The following ADAMTS19 variants were observed in gnomAD, a reference collection of about 807,000 sequenced individuals.
ADAMTS19 encodes the protein ADAM metallopeptidase with thrombospondin type 1 motif 19.
ADAMTS19 carries 93 observed loss-of-function variants against 153.3 expected under a neutral mutation model. That is an observed-to-expected ratio of 0.61 (90% confidence interval 0.51 to 0.72). The LOEUF (loss-of-function observed/expected upper bound fraction) is 0.72. Among genes scored for constraint, ADAMTS19 ranks in the 30% least tolerant of loss-of-function variants. The pLI is 0.00. For missense variants in ADAMTS19, 1,482 were observed against 1,552.1 expected (o/e 0.95, Z 0.76); for synonymous variants, 600 against 556.6 (o/e 1.08, Z -1.10).
rs1264670040 is a variant in ADAMTS19, at chr5:129,461,231, G to A, written c.221G>A (p.Gly74Asp). Reference protein sequence around the residue: ...ADPGWVRGVGGGGSARAQAAG... With the variant: ...ADPGWVRGVGDGGSARAQAAG... ...CCGGGCTGGGTGCGCGGCGTTGGGG[G>A]CGGCGGAAGCGCCCGGGCGCAGGCT... The change falls in exon 2 of 23, where the codon GGC (glycine) becomes GAC (aspartate). Residue 74 changes from glycine to aspartate, a missense_variant. Gly to Asp is a moderately conservative substitution (Grantham distance 94). This residue lies in a region of ADAMTS19 where 866 missense variants were observed against 827.7 expected (regional missense o/e 1.05). Coordinates refer to ENST00000274487, the MANE Select transcript of ADAMTS19 (RefSeq NM_133638.6). This position sits in a 1 kb window ranked among gnomAD's most constrained non-coding sequence, Gnocchi z 4.6. The A allele has an allele frequency of 1.6e-6, 2 of 1,267,642 alleles. No individual in the cohort carries two copies. The highest frequency in any genetic ancestry group is 2.0e-6 in the Non-Finnish European group (2 of 1,012,788). The allele number at this position is 1,267,642 out of a possible 1,614,324, so 78.5% of individuals were successfully genotyped here.
chr5:129,574,859 GA>G lies in ADAMTS19; in HGVS notation c.1373-21690del, dbSNP rs34873192. On this transcript the variant is annotated intron_variant, in intron 7 of 22. Coordinates refer to ENST00000274487, the MANE Select transcript of ADAMTS19 (RefSeq NM_133638.6). Reference sequence around the variant, plus strand: ...TTTTTTTAAGTATCAAAGCATTCTTGAAAAAAAAAATTAACGTGTTTATTTA... The same window carrying G: ...TTTTTTTAAGTATCAAAGCATTCTTGAAAAAAAAATTAACGTGTTTATTTA... Among the ~76,000 whole-genome samples the G allele has an allele frequency of 3.2e-4, 47 of 148,950 alleles. No homozygotes were observed. The South Asian group carries it at 4.9e-3, about 15-fold the overall frequency.
intron 10 of ADAMTS19, among the ~76,000 whole-genome samples, chr5:129,630,952 C>A (rs1185703390): frequency 6.6e-6 from 1 of 151,710 alleles, no homozygotes; most frequent in Non-Finnish European, 1.5e-5. Context: ...ATGCAGATAG[C>A]CAACAAACTC....
intron 2 of ADAMTS19, among the ~76,000 whole-genome samples, chr5:129,504,860 T>TACACACAC (rs1424334829): frequency 2.1e-5 from 2 of 95,754 alleles, no homozygotes; most frequent in Non-Finnish European, 4.0e-5. Flanking sequence ...GTATTCTGTC[T>TACACACAC]ACACACACAC....
intron 3 of ADAMTS19, among the ~76,000 whole-genome samples, chr5:129,515,643 A>G (rs1018964612): frequency 3.3e-5 from 5 of 152,006 alleles, no homozygotes; most frequent in African/African-American, 9.7e-5. Context: ...TTGATTTTGT[A>G]TTCTGCAACT....
intron 10 of ADAMTS19, among the ~76,000 whole-genome samples, chr5:129,625,759 G>T (rs1015547526): frequency 1.3e-5 from 2 of 152,042 alleles, no homozygotes; most frequent in African/African-American, 4.8e-5. Flanking sequence ...TGTCAGATGG[G>T]TAGATTGCAA....
intron 21 of ADAMTS19, among the ~76,000 whole-genome samples, chr5:129,716,390 G>GT (rs1756734102): frequency 6.6e-6 from 1 of 151,816 alleles, no homozygotes; most frequent in Admixed American, 6.6e-5. Context: ...GTAGAGATGG[G>GT]GTTTTGCCAT....
intron 6 of ADAMTS19, among the ~76,000 whole-genome samples, chr5:129,532,507 T>A (rs1266595146): frequency 2.0e-5 from 3 of 152,148 alleles, no homozygotes; most frequent in African/African-American, 7.2e-5. Context: ...TATAAAATGG[T>A]TCAACCACAC....
At chr5:129,635,765 T>G (rs1310494147) in intron 10 of ADAMTS19, among the ~76,000 whole-genome samples, 1 of 151,974 alleles carries the variant, frequency 6.6e-6, no homozygotes, top group Admixed American at 6.6e-5. Flanking sequence ...AGGGAAAGGA[T>G]CAGGAAAAAT....
intron 2 of ADAMTS19, among the ~76,000 whole-genome samples, chr5:129,464,707 G>A (rs550242554): frequency 3.4e-4 from 52 of 152,288 alleles, no homozygotes; most frequent in African/African-American, 1.2e-3. Flanking sequence ...CAGGGGCAAA[G>A]CCTGCCTCTT....
At chr5:129,732,594 GA>G (rs1457294038) in intron 21 of ADAMTS19, among the ~76,000 whole-genome samples, 1 of 151,974 alleles carries the variant, frequency 6.6e-6, no homozygotes, top group Non-Finnish European at 1.5e-5. Flanking sequence ...AATTACTTAG[GA>G]ATACGTTTAA....
chr5:129,682,248 A>G (rs1219822380), intron 17 of ADAMTS19, among the ~76,000 whole-genome samples: 5 of 152,200 alleles, frequency 3.3e-5, no homozygotes, highest in African/African-American at 1.2e-4. Context: ...GGGAAACTGC[A>G]CTTCTAAGAT....
intron 21 of ADAMTS19, among the ~76,000 whole-genome samples, chr5:129,712,623 T>A (rs1756534019): frequency 6.6e-6 from 1 of 152,156 alleles, no homozygotes; most frequent in East Asian, 1.9e-4. Flanking sequence ...GAAAATCTCC[T>A]GAGAGTCTTA....
At chr5:129,531,945 C>A (rs186371978) in intron 6 of ADAMTS19, among the ~76,000 whole-genome samples, 2 of 152,056 alleles carry the variant, frequency 1.3e-5, no homozygotes, top group East Asian at 3.9e-4. Context: ...TCAAATGGTA[C>A]AAATGGAATA....
intron 10 of ADAMTS19, among the ~76,000 whole-genome samples, chr5:129,627,691 A>G (rs1752111812): frequency 6.6e-6 from 1 of 152,132 alleles, no homozygotes; most frequent in Admixed American, 6.6e-5. Flanking sequence ...ATATTAAAAA[A>G]GGTCAGTAAC....
intron 7 of ADAMTS19, among the ~76,000 whole-genome samples, chr5:129,567,062 A>C (rs1753742952): frequency 6.6e-6 from 1 of 152,064 alleles, no homozygotes; most frequent in Non-Finnish European, 1.5e-5. Flanking sequence ...CTGTTTACCA[A>C]CTTGTGCTCA....
intron 7 of ADAMTS19, among the ~76,000 whole-genome samples, chr5:129,552,578 T>C (rs2126825101): frequency 6.6e-6 from 1 of 151,782 alleles, no homozygotes; most frequent in Admixed American, 6.6e-5. Context: ...TGTGTAACAA[T>C]ATATTATTGG....
At chr5:129,540,088 A>T (rs1484430432) in intron 6 of ADAMTS19, among the ~76,000 whole-genome samples, 1 of 152,154 alleles carries the variant, frequency 6.6e-6, no homozygotes, top group Non-Finnish European at 1.5e-5. Context: ...ATTGGAAAAA[A>T]TGTTAATCTC....
At chr5:129,714,848 A>T (rs4835975) in intron 21 of ADAMTS19, among the ~76,000 whole-genome samples, 2 of 152,014 alleles carry the variant, frequency 1.3e-5, no homozygotes, top group Non-Finnish European at 2.9e-5. Flanking sequence ...TTTGCTAACC[A>T]TATTTATGAA....
chr5:129,488,290 G>A (rs1333086507), intron 2 of ADAMTS19, among the ~76,000 whole-genome samples: 2 of 151,898 alleles, frequency 1.3e-5, no homozygotes, highest in African/African-American at 2.4e-5. Flanking sequence ...TTCATTTCAC[G>A]AACAAAAAGC....
Sources: allele counts gnomAD v4.1 joint callset (sites outside exome capture counted in the v4.1 genomes callset), GRCh38; gene constraint gnomAD v4.1.1; regional missense constraint gnomAD v4.1.1; non-coding constraint Gnocchi (gnomAD v3.1); transcripts MANE v1.5; gene names NCBI Gene and HGNC (gene_info 2026-07-23, HGNC 2026-07-21).